SERINC5: variants seen among roughly 807,000 people sequenced by gnomAD.
SERINC5 encodes the protein serine incorporator 5.
A neutral mutation model predicts 63.1 loss-of-function variants in SERINC5; 41 were observed. That is an observed-to-expected ratio of 0.65 (90% CI 0.51 to 0.84). The LOEUF is 0.84. SERINC5 is among the 40% of genes least tolerant of loss of function. SERINC5 has a pLI of 0.00. For synonymous variants in SERINC5, 222 were observed against 215.2 expected, an observed-to-expected ratio of 1.03 and a Z score of -0.28; for missense variants, 523 against 573.0, an observed-to-expected ratio of 0.91 and a Z score of 0.89.
chr5:80,177,309 T>C lies in SERINC5; in HGVS notation c.457+6A>G. The C allele has an allele frequency of 1.2e-6, 2 of 1,604,134 alleles. No individual in the cohort carries two copies. Among genetic ancestry groups the C allele is most frequent in the Non-Finnish European group, 1.7e-6 (2 of 1,171,058 alleles). On this transcript the variant is annotated splice_donor_region_variant and intron_variant, in intron 4 of 11. Transcript: ENST00000507668. ...TAAACAGATACCCAAAATACCCCATTAGTACCGTTCAGAAAGGTGTCCTGA... is the reference window on the plus strand; with the variant it reads ...TAAACAGATACCCAAAATACCCCATCAGTACCGTTCAGAAAGGTGTCCTGA...
At chr5:80,152,757 A>G (rs376146892) in intron 8 of SERINC5, among the ~76,000 whole-genome samples, 2 of 151,132 alleles carry the variant, frequency 1.3e-5, no homozygotes, top group Non-Finnish European at 3.0e-5. Flanking sequence ...CCTGGCCAAC[A>G]TGGCAAAACC....
Position 80,177,934 on chromosome 5 carries a change from G to C in SERINC5, c.326C>G (p.Thr109Ser). 1 of 1,612,084 alleles carries C rather than the reference G, an allele frequency of 6.2e-7. No homozygotes were observed. ...ACTTTTGCTGTTGTTGATTTTCAAG[G>C]TCAGTAGACAGAAGATAAAGAAGAA... ...ACFFFIFCLL[T>S]LKINNSKSCR... Residue 109 changes from threonine to serine, a missense_variant, in exon 3 of 12, where the codon ACC becomes AGC. Coordinates refer to ENST00000507668, the MANE Select transcript of SERINC5 (RefSeq NM_001174072.3).
rs6895089 is a variant in SERINC5, at chr5:80,160,964, G to A, written c.860-2002C>T. On this transcript the variant is annotated intron_variant, in intron 7 of 11. Transcript: ENST00000507668. The stretch of plus-strand genomic sequence containing the variant: ...TATATGTGTATATATATATGTGTGT[G>A]TATATATATGTATATATGTGTGTAT... Among the ~76,000 whole-genome samples the A allele has an allele frequency of 4.2e-3, 630 of 148,610 alleles. 1 individual carries two copies. Among genetic ancestry groups the A allele is most frequent in the African/African-American group, 0.012 (497 of 39,966 alleles).
At chr5:80,243,137 A>G (rs906840884) in intron 1 of SERINC5, among the ~76,000 whole-genome samples, 10 of 152,174 alleles carry the variant, frequency 6.6e-5, no homozygotes, top group African/African-American at 2.4e-4. Flanking sequence ...GGCAACATTC[A>G]TAAGTTCAAG....
intron 1 of SERINC5, among the ~76,000 whole-genome samples, chr5:80,219,526 C>A (rs1750809948): frequency 6.6e-6 from 1 of 152,140 alleles, no homozygotes; most frequent in South Asian, 2.1e-4. Context: ...CCTTTTCAAG[C>A]AAGCACTGCC....
At chr5:80,254,678 G>A (rs546666474) in intron 1 of SERINC5, among the ~76,000 whole-genome samples, 1 of 152,274 alleles carries the variant, frequency 6.6e-6, no homozygotes, top group South Asian at 2.1e-4. Flanking sequence ...GTAAGGTGGT[G>A]ACCATTCTCA....
chr5:80,143,729 G>A lies in SERINC5; in HGVS notation c.1320C>T (p.Cys440=), dbSNP rs773998647. 62 of 1,536,122 alleles carry A rather than the reference G, an allele frequency of 4.0e-5. No individual in the cohort carries two copies. Among genetic ancestry groups the A allele is most frequent in the South Asian group, 3.7e-4 (31 of 84,056 alleles). Residue 440 remains cysteine, a synonymous_variant, in exon 12 of 12, where the codon TGC becomes TGT. Coordinates refer to ENST00000507668, the MANE Select transcript of SERINC5 (RefSeq NM_001174072.3). ...CCAGCGTACACAGGTACAACAGCAC[G>A]CATATCCAGCAGGAGGCCATCTTGA... ...FWVKMASCWI[C]VLLYLCTLVA...
intron 11 of SERINC5, among the ~76,000 whole-genome samples, chr5:80,124,512 G>A (rs1744667035): frequency 6.6e-6 from 1 of 152,138 alleles, no homozygotes; most frequent in Admixed American, 6.5e-5. Flanking sequence ...TTTTCAGGGA[G>A]ATTTAGGGCT....
chr5:80,232,757 CTGGTGACAG>C (rs1173382707), intron 1 of SERINC5, among the ~76,000 whole-genome samples: 1 of 151,676 alleles, frequency 6.6e-6, no homozygotes, highest in Non-Finnish European at 1.5e-5. Context: ...GCACTCCAGC[CTGGTGACAG>C]AGCGAAACTC....
chr5:80,203,800 C>T (rs914596182), intron 1 of SERINC5, among the ~76,000 whole-genome samples: 1 of 152,126 alleles, frequency 6.6e-6, no homozygotes, highest in Non-Finnish European at 1.5e-5. Context: ...ACTAATGAGG[C>T]AACTCTTCCT....
chr5:80,241,116 T>G lies in SERINC5; in HGVS notation c.27+14780A>C, dbSNP rs1751920489. Among the ~76,000 whole-genome samples, 3 of 152,152 alleles carry G rather than the reference T, an allele frequency of 2.0e-5. No homozygotes were observed. In the South Asian group the frequency reaches 6.2e-4, roughly 32 times the overall value. ...TGGTTTCCATCACTAATGATAAAAG[T>G]TTTGATGCTTCTCCCTTTTTCAAGG... On this transcript the variant is annotated intron_variant, in intron 1 of 11. Coordinates refer to ENST00000507668, the MANE Select transcript of SERINC5 (RefSeq NM_001174072.3).
chr5:80,162,453 A>G (rs556450818), intron 7 of SERINC5, among the ~76,000 whole-genome samples: 1 of 152,196 alleles, frequency 6.6e-6, no homozygotes, highest in Admixed American at 6.5e-5. Context: ...AGCTCACCAT[A>G]ACCTCAAGCT....
chr5:80,134,518 C>T (rs1012955535), downstream of SERINC5, among the ~76,000 whole-genome samples: 1 of 151,970 alleles, frequency 6.6e-6, no homozygotes. Context: ...ACAACAACAA[C>T]AAAAAACAAA....
intron 4 of SERINC5, among the ~76,000 whole-genome samples, chr5:80,176,249 C>T (rs1748028225): frequency 6.6e-6 from 1 of 152,172 alleles, no homozygotes; most frequent in Non-Finnish European, 1.5e-5. Flanking sequence ...TCCAAATATA[C>T]ATTCTAATAC....
At chr5:80,150,979 A>G (rs779347490) in intron 8 of SERINC5, 31 bp from the exon 9 acceptor site, 17 of 1,528,340 alleles carry the variant, frequency 1.1e-5, no homozygotes, top group Non-Finnish European at 1.2e-5. Flanking sequence ...TCAGCTGGGC[A>G]TATTAACACA....
At chr5:80,253,427 C>G (rs1752514831) in intron 1 of SERINC5, among the ~76,000 whole-genome samples, 1 of 152,228 alleles carries the variant, frequency 6.6e-6, no homozygotes, top group Admixed American at 6.5e-5. Flanking sequence ...CTCACCTCCA[C>G]TCTAGCCCGT....
chr5:80,229,050 T>TGG lies in SERINC5; in HGVS notation c.28-25999_28-25998dup, dbSNP rs1174325559. On this transcript the variant is annotated intron_variant, in intron 1 of 11. Transcript: ENST00000507668. ...TTTTTTTTTTTTTTTTTTTTTTTTT[T>TGG]GGGGATGGAGTTGCCTAGGCTGGAG... 3.6e-3 allele frequency among the ~76,000 whole-genome samples: 342 copies of TGG among 94,164 alleles called. 41 individuals are homozygous for TGG. The highest frequency in any genetic ancestry group is 0.011 in the Middle Eastern group (2 of 180). The allele number at this position is 94,164 out of a possible 152,430, so 61.8% of individuals were successfully genotyped here.
At chr5:80,150,430 T>A (rs1746101087) in intron 9 of SERINC5, among the ~76,000 whole-genome samples, 1 of 152,164 alleles carries the variant, frequency 6.6e-6, no homozygotes, top group South Asian at 2.1e-4. Flanking sequence ...AAGCATTTAT[T>A]TTTCTTTTTT....
intron 1 of SERINC5, among the ~76,000 whole-genome samples, chr5:80,237,421 C>A (rs1004725169): frequency 2.0e-5 from 3 of 151,434 alleles, no homozygotes; most frequent in Non-Finnish European, 4.4e-5. Flanking sequence ...GCAGCTTCAA[C>A]TTCCCAGCCT....
Sources: gnomAD v4.1 joint callset for allele counts (sites outside exome capture counted in the v4.1 genomes callset) on GRCh38, gnomAD v4.1.1 for gene constraint, MANE v1.5 for transcripts, NCBI Gene and HGNC (gene_info 2026-07-23, HGNC 2026-07-21) for gene names.